Variants in DMXL1 observed in about 807,000 individuals in gnomAD.
DMXL1 encodes the protein dmX-like protein 1.
A neutral mutation model predicts 319.2 loss-of-function variants in DMXL1; 99 were observed. The ratio of observed to expected loss-of-function variants is 0.31; its 90% CI spans 0.26 to 0.37. The LOEUF is 0.37. Ranked by LOEUF, DMXL1 falls within the 10% of genes least tolerant of loss-of-function variation. DMXL1 has a pLI of 1.00. For missense variants in DMXL1, 3,745 were observed against 3,595.6 expected, an observed-to-expected ratio of 1.04 and a Z score of -1.06; for synonymous variants, 1,385 against 1,235.2, an observed-to-expected ratio of 1.12 and a Z score of -2.54.
At position 119,175,267 on chromosome 5, in the gene DMXL1, G is replaced by A. The variant is rs1284186707; in HGVS notation, c.6688G>A (p.Val2230Ile). The change falls in exon 26 of 44, where the codon GTA (valine) becomes ATA (isoleucine). Residue 2230 changes from valine (V) to isoleucine (I), a missense_variant. Coordinates refer to ENST00000539542, the MANE Select transcript of DMXL1 (RefSeq NM_001290321.3). ...HPDIQSNKVY[V>I]MHTLAASLSA... Reference sequence around the variant, plus strand: ...TTTTGTTTTTGTTTTCCAGGTGTATGTAATGCATACTTTAGCAGCTTCACT... The same window carrying A: ...TTTTGTTTTTGTTTTCCAGGTGTATATAATGCATACTTTAGCAGCTTCACT... 13 of 1,608,258 alleles carry A rather than the reference G, an allele frequency of 8.1e-6. No homozygotes were observed. Among genetic ancestry groups the A allele is most frequent in the African/African-American group, 1.3e-5 (1 of 74,692 alleles).
intron 1 of DMXL1, among the ~76,000 whole-genome samples, chr5:119,089,293 T>TATATATATA (rs70982466): frequency 1.2e-4 from 3 of 25,342 alleles, no homozygotes; most frequent in Admixed American, 7.7e-4. Flanking sequence ...TATATATATA[T>TATATATATA]TTTTTTTTTT....
rs761382170 is a variant in DMXL1, at chr5:119,120,961, A to T, written c.934-10A>T. The T allele has an allele frequency of 1.9e-6, 3 of 1,601,440 alleles. No homozygotes were observed. Among genetic ancestry groups the T allele is most frequent in the Non-Finnish European group, 1.7e-6 (2 of 1,175,520 alleles). On this transcript the variant is annotated splice_polypyrimidine_tract_variant and intron_variant, in intron 8 of 43. Transcript: ENST00000539542. ...CAATATAGGTATTAGTTTTGTTTCTATTCACACAGGTAAATCTGAGACATT... is the reference window on the plus strand; with the variant it reads ...CAATATAGGTATTAGTTTTGTTTCTTTTCACACAGGTAAATCTGAGACATT...
At position 119,101,959 on chromosome 5, in the gene DMXL1, A is replaced by G; in HGVS notation, c.238A>G (p.Ile80Val). The G allele has an allele frequency of 6.2e-7, 1 of 1,606,088 alleles. No individual in the cohort carries two copies. The highest frequency in any genetic ancestry group is 1.1e-5 in the South Asian group (1 of 88,836). The change falls in exon 3 of 44, where the codon ATC becomes GTC. Residue 80 changes from isoleucine (I) to valine (V), a missense_variant. This residue lies in a region of DMXL1 where 2,096 missense variants were observed against 1,985.4 expected (regional missense o/e 1.06). Coordinates refer to ENST00000539542, the MANE Select transcript of DMXL1 (RefSeq NM_001290321.3). The stretch of plus-strand genomic sequence containing the variant: ...GATTGCAGCGTCTTATGGAAATGTT[A>G]TCTCCATTTTTGAACCAGTTAACCT... ...GKIAASYGNV[I>V]SIFEPVNLPK...
chr5:119,096,693 A>C (rs76645424), intron 1 of DMXL1, among the ~76,000 whole-genome samples: 4,542 of 152,322 alleles, frequency 0.03, 215 homozygotes, highest in African/African-American at 0.1. Context: ...AAAAGGACAC[A>C]CAAAAGAAGA....
chr5:119,143,891 G>C lies in DMXL1; in HGVS notation c.2427G>C (p.Arg809Ser), dbSNP rs1767957140. 6.3e-7 allele frequency: 1 copy of C among 1,586,780 alleles called. No homozygotes were observed. Among genetic ancestry groups the C allele is most frequent in the Non-Finnish European group, 8.6e-7 (1 of 1,167,168 alleles). The change falls in exon 14 of 44, where the codon AGG (arginine) becomes AGC (serine). Residue 809 changes from arginine to serine, a missense_variant. Physicochemically the swap from Arg to Ser is moderately radical, Grantham distance 110. Transcript: ENST00000539542. ...TCGTCAGTCAACAATCAACAGCCAG[G>C]CCAGGATGCATTATTGCATTAGATC... The part of the protein sequence containing the change: ...FNIVSQQSTA[R>S]PGCIIALDPI...
At chr5:119,223,398 G>A (rs1173844976) in intron 37 of DMXL1, among the ~76,000 whole-genome samples, 5 of 152,064 alleles carry the variant, frequency 3.3e-5, no homozygotes, top group Non-Finnish European at 5.9e-5. Context: ...TAAGCTCTTC[G>A]AGAGCTTGGA....
intron 5 of DMXL1, among the ~76,000 whole-genome samples, chr5:119,112,538 C>A (rs1454983972): frequency 2.6e-5 from 4 of 152,102 alleles, no homozygotes; most frequent in Non-Finnish European, 5.9e-5. Flanking sequence ...GTAAGGCAGA[C>A]GTCCCATATG....
intron 16 of DMXL1, 137 bp downstream of exon 16, chr5:119,147,093 C>T: frequency 1.7e-6 from 2 of 1,169,654 alleles, no homozygotes; most frequent in Non-Finnish European, 2.4e-6. Context: ...TCAATTAATT[C>T]AAAAAGCTTT....
chr5:119,179,283 A>G (rs1227090030), intron 28 of DMXL1, among the ~76,000 whole-genome samples: 1 of 146,736 alleles, frequency 6.8e-6, no homozygotes, highest in Non-Finnish European at 1.5e-5. Context: ...TGTTGAATAA[A>G]TTGAAAATGT....
intron 40 of DMXL1, among the ~76,000 whole-genome samples, chr5:119,238,606 A>G (rs17145013): frequency 0.069 from 10,497 of 152,192 alleles, 992 homozygotes; most frequent in African/African-American, 0.21. Context: ...CTATGCTAGG[A>G]GAAGGTCTTT....
intron 32 of DMXL1, among the ~76,000 whole-genome samples, chr5:119,202,893 A>ATG (rs1781053952): frequency 2.9e-5 from 4 of 139,436 alleles, no homozygotes; most frequent in African/African-American, 1.0e-4. Flanking sequence ...TTTTATATAT[A>ATG]TATATATATA....
At chr5:119,197,001 T>G (rs1308191588) in intron 31 of DMXL1, among the ~76,000 whole-genome samples, 3 of 152,074 alleles carry the variant, frequency 2.0e-5, no homozygotes, top group East Asian at 1.9e-4. Context: ...AATTGAAAAA[T>G]TAAGTATTAA....
chr5:119,213,901 C>T (rs1464802416), intron 34 of DMXL1, among the ~76,000 whole-genome samples: 1 of 152,164 alleles, frequency 6.6e-6, no homozygotes, highest in Non-Finnish European at 1.5e-5. Flanking sequence ...ATTGTTTCCT[C>T]ACTTAGTTTC....
intron 34 of DMXL1, among the ~76,000 whole-genome samples, chr5:119,211,360 G>A (rs1581353265): frequency 6.6e-6 from 1 of 152,264 alleles, no homozygotes; most frequent in East Asian, 1.9e-4. Context: ...GTAGAATCCT[G>A]AAGTTTTTTA....
chr5:119,220,917 T>A (rs371099166), intron 36 of DMXL1, 23 bp from the exon 37 acceptor site: 3 of 1,606,182 alleles, frequency 1.9e-6, no homozygotes, highest in Non-Finnish European at 2.5e-6. Context: ...GTTGTTTTTA[T>A]TCTGGTTGAC....
At chr5:119,197,093 G>A (rs1779773895) in intron 31 of DMXL1, among the ~76,000 whole-genome samples, 1 of 152,068 alleles carries the variant, frequency 6.6e-6, no homozygotes, top group Admixed American at 6.5e-5. Context: ...AGTATGGATG[G>A]GCAGAACTGC....
intron 7 of DMXL1, among the ~76,000 whole-genome samples, chr5:119,116,789 C>T (rs530667293): frequency 6.6e-6 from 1 of 152,202 alleles, no homozygotes; most frequent in South Asian, 2.1e-4. Flanking sequence ...TTTGACTACA[C>T]CCAGCATATG....
intron 37 of DMXL1, among the ~76,000 whole-genome samples, chr5:119,222,766 T>C (rs1003896464): frequency 6.6e-6 from 1 of 152,168 alleles, no homozygotes; most frequent in African/African-American, 2.4e-5. Context: ...CCATCTCATC[T>C]CCCTTTATTC....
At chr5:119,172,396 CT>C (rs1265785309) in intron 25 of DMXL1, among the ~76,000 whole-genome samples, 2 of 152,150 alleles carry the variant, frequency 1.3e-5, no homozygotes, top group Admixed American at 6.5e-5. Context: ...CTATTTGCCC[CT>C]GTCATCCTTC....
Sources: gnomAD v4.1 joint callset for allele counts (sites outside exome capture counted in the v4.1 genomes callset) on GRCh38, gnomAD v4.1.1 for gene constraint, gnomAD v4.1.1 regional missense constraint, MANE v1.5 for transcripts, NCBI Gene and HGNC (gene_info 2026-07-23, HGNC 2026-07-21) for gene names.